The following MED13 variants were observed in gnomAD, a reference collection of about 807,000 sequenced individuals.
MED13 encodes mediator of RNA polymerase II transcription subunit 13.
In MED13, 23 loss-of-function variants were observed where a neutral mutation model predicts 225.2. The observed-to-expected ratio is 0.10, with a 90% CI of 0.07 to 0.14. MED13 has a LOEUF of 0.14. Ranked by LOEUF, MED13 falls within the 10% of genes least tolerant of loss-of-function variation. The pLI, the probability that MED13 is intolerant of heterozygous loss-of-function variation, is 1.00. For missense variants in MED13, 2,197 were observed against 2,594.5 expected (o/e 0.85, Z 3.33); for synonymous variants, 942 against 889.2 (o/e 1.06, Z -1.06).
intron 16 of MED13, among the ~76,000 whole-genome samples, chr17:61,977,216 C>T (rs903661087): frequency 1.3e-5 from 2 of 151,914 alleles, no homozygotes; most frequent in African/African-American, 2.4e-5. Flanking sequence ...GGTAATAGTC[C>T]ACACTATGGA....
At chr17:62,054,543 G>A (rs2080982200) in intron 2 of MED13, among the ~76,000 whole-genome samples, 3 of 152,126 alleles carry the variant, frequency 2.0e-5, no homozygotes, top group Admixed American at 2.0e-4. Context: ...GGAGAATAGA[G>A]AAGCAGCACA....
At chr17:62,014,325 T>TAC (rs2080541727) in intron 8 of MED13, among the ~76,000 whole-genome samples, 1 of 150,502 alleles carries the variant, frequency 6.6e-6, no homozygotes, top group South Asian at 2.1e-4. Flanking sequence ...TATATATATA[T>TAC]ATATATTTTG....
chr17:62,058,016 A>G (rs971733571), intron 2 of MED13, among the ~76,000 whole-genome samples: 1 of 152,240 alleles, frequency 6.6e-6, no homozygotes, highest in Non-Finnish European at 1.5e-5. Context: ...AAAAATACAC[A>G]GAAAACTCTC....
At chr17:62,039,069 C>T (rs2080830428) in intron 3 of MED13, among the ~76,000 whole-genome samples, 1 of 152,176 alleles carries the variant, frequency 6.6e-6, no homozygotes, top group African/African-American at 2.4e-5. Flanking sequence ...ATCCAGTATT[C>T]CAAAGTACAA....
chr17:62,048,076 A>ACATATATACATATACATATAGTTACACC (rs2143741413), intron 3 of MED13, among the ~76,000 whole-genome samples: 1 of 147,008 alleles, frequency 6.8e-6, no homozygotes, highest in Admixed American at 6.9e-5. Context: ...ATATATGTAT[A>ACATATATACATATACATATAGTTACACC]TATATATCCC....
intron 9 of MED13, among the ~76,000 whole-genome samples, chr17:61,998,662 C>T (rs891494579): frequency 2.2e-5 from 3 of 137,460 alleles, no homozygotes; most frequent in Non-Finnish European, 4.5e-5. Flanking sequence ...TGCAGTGGTG[C>T]GGTCTCAGCT....
intron 9 of MED13, among the ~76,000 whole-genome samples, chr17:62,000,053 G>C (rs183573863): frequency 2.0e-5 from 3 of 152,238 alleles, no homozygotes; most frequent in East Asian, 3.9e-4. Context: ...CTGGGTAACA[G>C]AGCAAGATCC....
intron 11 of MED13, among the ~76,000 whole-genome samples, chr17:61,988,768 C>T (rs1407455624): frequency 6.6e-6 from 1 of 151,468 alleles, no homozygotes; most frequent in Non-Finnish European, 1.5e-5. Context: ...TGTGAAATGA[C>T]TAAATCAAGC....
At position 61,950,994 on chromosome 17, in the gene MED13, T is replaced by C; in HGVS notation, c.6122A>G (p.Gln2041Arg). 1 of 1,609,638 alleles carries C rather than the reference T, an allele frequency of 6.2e-7. No homozygotes were observed. Among genetic ancestry groups the C allele is most frequent in the South Asian group, 1.1e-5 (1 of 90,430 alleles). ...TGTTGATAGTAGCCGATCAGTACTC[T>C]GACCCTTAAAAAGACAAAATTAAAA... ...YPHGGDAGKG[Q>R]STDRLLSTEP... Residue 2041 changes from glutamine (Q) to arginine (R), a missense_variant, in exon 28 of 30, where the codon CAG becomes CGG. Physicochemically the swap from Gln to Arg is conservative, Grantham distance 43 (BLOSUM62 1). This residue lies in a region of MED13 where 216 missense variants were observed against 388.9 expected (regional missense o/e 0.56). Coordinates refer to ENST00000397786, the MANE Select transcript of MED13 (RefSeq NM_005121.3).
intron 23 of MED13, 79 bp from the exon 24 acceptor site, chr17:61,956,560 A>C: frequency 2.1e-6 from 3 of 1,405,720 alleles, no homozygotes; most frequent in Non-Finnish European, 2.9e-6. Flanking sequence ...TTTGAGATGG[A>C]GTCTCACTCT....
At position 62,064,849 on chromosome 17, in the gene MED13, G is replaced by A. The variant is rs572178432; in HGVS notation, c.66+291C>T. Among the ~76,000 whole-genome samples the A allele has an allele frequency of 1.1e-3, 168 of 152,298 alleles. 1 individual carries two copies. Among genetic ancestry groups the A allele is most frequent in the African/African-American group, 4.0e-3 (166 of 41,554 alleles). ...ACAGTTAAGCAAGACAAGAGGGAAA[G>A]GTTACTGTCCTGCCAGATAAGGAGC... is the stretch of plus-strand genomic sequence containing the variant. On this transcript the variant is annotated intron_variant, in intron 1 of 29. Transcript: ENST00000397786.
rs2079838254 is a variant in MED13, at chr17:61,944,523, G to T, written c.*1945C>A. On this transcript the variant is annotated 3_prime_UTR_variant, in exon 30 of 30. Transcript: ENST00000397786. Reference sequence around the variant, plus strand: ...ATTAGAACTGCATTATAATTTTGAAGAAATGATTGACAACCTTTGTCACCA... The same window carrying T: ...ATTAGAACTGCATTATAATTTTGAATAAATGATTGACAACCTTTGTCACCA... 6.6e-6 allele frequency: 1 copy of T among 152,010 alleles called. No individual in the cohort carries two copies. The allele number at this position is 152,010 out of a possible 1,614,324, so 9.4% of individuals were successfully genotyped here.
At position 61,943,480 on chromosome 17, in the gene MED13, A is replaced by T. The variant is rs2079830092; in HGVS notation, c.*2988T>A. 1 of 152,622 alleles carries T rather than the reference A, an allele frequency of 6.6e-6. No homozygotes were observed. Among genetic ancestry groups the T allele is most frequent in the Non-Finnish European group, 1.5e-5 (1 of 68,006 alleles). 9.5% of individuals were successfully genotyped at this position (152,622 alleles called of 1,614,324 possible). A position where few individuals can be genotyped will look rare whatever the true frequency, so the allele number is the denominator to read the frequency against. ...AGGTAAATATGAAGACGAAAGGAGA[A>T]TATTTTAATACAGTAATCTGTGCCA... is the stretch of plus-strand genomic sequence containing the variant. On this transcript the variant is annotated 3_prime_UTR_variant, in exon 30 of 30. Transcript: ENST00000397786.
chr17:62,016,280 C>T (rs971519311), intron 8 of MED13, among the ~76,000 whole-genome samples: 2 of 151,490 alleles, frequency 1.3e-5, no homozygotes, highest in African/African-American at 2.4e-5. Context: ...CCGCGATTAG[C>T]GCTCACTACA....
intron 27 of MED13, among the ~76,000 whole-genome samples, chr17:61,951,241 T>C (rs1329881977): frequency 2.0e-5 from 3 of 152,246 alleles, no homozygotes; most frequent in Non-Finnish European, 2.9e-5. Context: ...TGTATTATTA[T>C]GCCAAGTTCA....
At chr17:61,971,761 C>T (rs892075285) in intron 17 of MED13, among the ~76,000 whole-genome samples, 1 of 151,978 alleles carries the variant, frequency 6.6e-6, no homozygotes, top group Non-Finnish European at 1.5e-5. Flanking sequence ...TGATGAAACC[C>T]TGTCTCTACT....
At chr17:62,011,301 A>AC in intron 8 of MED13, 68 bp from the exon 9 acceptor site, 7 of 1,342,888 alleles carry the variant, frequency 5.2e-6, no homozygotes, top group Non-Finnish European at 7.2e-6. Flanking sequence ...ATACCAGTTA[A>AC]TAGTATTAGA....
At chr17:61,963,099 A>C in intron 20 of MED13, 128 bp from the exon 21 acceptor site, 1 of 677,490 alleles carries the variant, frequency 1.5e-6, no homozygotes, top group Non-Finnish European at 2.5e-6. Flanking sequence ...CTCTCTAAAA[A>C]TGAAGGACAT....
intron 16 of MED13, among the ~76,000 whole-genome samples, chr17:61,976,634 A>G (rs1165282551): frequency 1.3e-5 from 2 of 152,188 alleles, no homozygotes; most frequent in African/African-American, 4.8e-5. Context: ...TGTTGTCATT[A>G]AAATATACAA....
Sources: gnomAD v4.1 joint callset for allele counts (sites outside exome capture counted in the v4.1 genomes callset) on GRCh38, gnomAD v4.1.1 for gene constraint, gnomAD v4.1.1 regional missense constraint, MANE v1.5 for transcripts, NCBI Gene and HGNC (gene_info 2026-07-23, HGNC 2026-07-21) for gene names.